TOP3B: variants seen among roughly 807,000 people sequenced by gnomAD.
TOP3B encodes the protein DNA topoisomerase 3-beta-1.
A neutral mutation model predicts 93.9 loss-of-function variants in TOP3B; 45 were observed. The observed-to-expected ratio is 0.48, with a 90% CI of 0.38 to 0.61. The LOEUF (loss-of-function observed/expected upper bound fraction) is 0.61. Among genes scored for constraint, TOP3B ranks in the 20% least tolerant of loss-of-function variants. The pLI, the probability that TOP3B is intolerant of heterozygous loss-of-function variation, is 0.00. For synonymous variants in TOP3B, 357 were observed against 472.6 expected, an observed-to-expected ratio of 0.76 and a Z score of 3.17; for missense variants, 750 against 1,156.1, an observed-to-expected ratio of 0.65 and a Z score of 5.09.
Position 21,968,738 on chromosome 22 carries a change from A to C in TOP3B, c.619T>G (p.Leu207Val). ...CCAAAGGAGATGAGAGAGCTGTCTAAATCACCGTATTTCCCCTGGAAATAT... is the reference window on the plus strand; with the variant it reads ...CCAAAGGAGATGAGAGAGCTGTCTACATCACCGTATTTCCCCTGGAAATAT... ...TKYFQGKYGD[L>V]DSSLISFGPC... Residue 207 changes from leucine to valine, a missense_variant, in exon 7 of 18, where the codon TTA becomes GTA. Leu to Val is a conservative substitution (Grantham distance 32, BLOSUM62 1). Coordinates refer to ENST00000357179, the MANE Select transcript of TOP3B (RefSeq NM_001282112.2). The C allele has an allele frequency of 6.2e-7, 1 of 1,614,214 alleles. No individual in the cohort carries two copies. Among genetic ancestry groups the C allele is most frequent in the Non-Finnish European group, 8.5e-7 (1 of 1,180,044 alleles).
At chr22:21,968,516 C>T in intron 7 of TOP3B, 103 bp downstream of exon 7, 2 of 1,470,282 alleles carry the variant, frequency 1.4e-6, no homozygotes, top group Non-Finnish European at 1.9e-6. Context: ...GTCCACACTT[C>T]TGCCCTCAGC....
chr22:21,979,157 G>A (rs2084561307), intron 1 of TOP3B, among the ~76,000 whole-genome samples: 1 of 152,082 alleles, frequency 6.6e-6, no homozygotes, highest in Non-Finnish European at 1.5e-5. Context: ...AGGAGGGAGA[G>A]GGAGTGGGTC....
intron 3 of TOP3B, chr22:21,974,043 C>T (rs2071755973): frequency 5.2e-6 from 1 of 193,204 alleles, no homozygotes; most frequent in Non-Finnish European, 1.1e-5. Context: ...ACAGCAGCAG[C>T]CTTCTCTTAA....
chr22:21,958,538 C>T lies in TOP3B; in HGVS notation c.2061G>A (p.Leu687=), dbSNP rs2071025583. 2 of 1,613,978 alleles carry T rather than the reference C, an allele frequency of 1.2e-6. No homozygotes were observed. Among genetic ancestry groups the T allele is most frequent in the South Asian group, 1.1e-5 (1 of 91,088 alleles). ...SSGSRGKSYP[L]CPYCYNHPPF... ...GTGGGTGGTTGTAGCAGTAGGGGCA[C>T]AGCGGGTAGCTCTTGCCCCGAGAGC... is the stretch of plus-strand genomic sequence containing the variant. The change falls in exon 17 of 18, where the codon CTG becomes CTA. Residue 687 remains leucine (L), a synonymous_variant. Transcript: ENST00000357179.
At chr22:21,973,050 G>T (rs1267604959) in intron 3 of TOP3B, 9 of 376,524 alleles carry the variant, frequency 2.4e-5, no homozygotes, top group South Asian at 1.7e-4. Flanking sequence ...TCCTGGGCTG[G>T]GTCTCTTTGC....
At position 21,980,576 on chromosome 22, in the gene TOP3B, T is replaced by C. The variant is rs139781176; in HGVS notation, c.-99+2154A>G. On this transcript the variant is annotated intron_variant, in intron 1 of 17. Transcript: ENST00000357179. ...AATTTGCTTTTTTCCTCAAAATAAGTAAGTGGATGTTCCCCTTAAATGTAC... is the reference window on the plus strand; with the variant it reads ...AATTTGCTTTTTTCCTCAAAATAAGCAAGTGGATGTTCCCCTTAAATGTAC... 6.7e-3 allele frequency among the ~76,000 whole-genome samples: 1,027 copies of C among 152,326 alleles called. 10 individuals carry two copies. The highest frequency in any genetic ancestry group is 0.024 in the African/African-American group (980 of 41,560).
At chr22:21,974,693 A>T (rs1398848885) in intron 2 of TOP3B, 2 of 488,668 alleles carry the variant, frequency 4.1e-6, no homozygotes, top group Non-Finnish European at 7.3e-6. Context: ...CCAACAACCT[A>T]GCACAGAGCA....
In TOP3B at chr22:21,970,040, G is replaced by T; in HGVS notation, c.581+170C>A. ...CTATCCTGGTCTCCCAAAGTGCAGGGATTACAGGTGTTAGCCACTGTGCCT... is the reference window on the plus strand; with the variant it reads ...CTATCCTGGTCTCCCAAAGTGCAGGTATTACAGGTGTTAGCCACTGTGCCT... On this transcript the variant is annotated intron_variant, in intron 6 of 17. Coordinates refer to ENST00000357179, the MANE Select transcript of TOP3B (RefSeq NM_001282112.2). The surrounding 1 kb of genome is among the most constrained non-coding windows in gnomAD (Gnocchi z 4.4). 1.5e-6 allele frequency: 1 copy of T among 683,706 alleles called. No homozygotes were observed. The highest frequency in any genetic ancestry group is 2.4e-6 in the Non-Finnish European group (1 of 412,718). The allele number at this position is 683,706 out of a possible 1,614,324, so 42.4% of individuals were successfully genotyped here.
At chr22:21,964,583 G>A in intron 9 of TOP3B, 1 of 524,444 alleles carries the variant, frequency 1.9e-6, no homozygotes, top group South Asian at 2.3e-5. Flanking sequence ...TCTACCCCAC[G>A]GTGCATCCTC....
intron 7 of TOP3B, 91 bp downstream of exon 7, chr22:21,968,528 C>G (rs1236385415): frequency 2.0e-5 from 30 of 1,535,948 alleles, no homozygotes; most frequent in South Asian, 2.4e-5. Context: ...GCCCTCAGCC[C>G]GGGGCCTGCC....
At chr22:21,958,853 G>GC (rs1455641144) in intron 16 of TOP3B, 160 bp from the exon 17 acceptor site, 1 of 1,244,692 alleles carries the variant, frequency 8.0e-7, no homozygotes, top group Non-Finnish European at 1.1e-6. Context: ...CTCCACGCGT[G>GC]CAGAAAAGGC....
In TOP3B at chr22:21,964,223, C is replaced by T. The variant is rs148740221; in HGVS notation, c.1036G>A (p.Glu346Lys). 1.1e-5 allele frequency: 17 copies of T among 1,614,076 alleles called. 1 individual carries two copies. The Admixed American group carries it at 1.8e-4, about 17-fold the overall frequency. ...AGAGAGCCCTTCAGGTCAAAGTTCT[C>T]AGGGTAGTGGGTGGTCTCTGTCCGT... ...YPRTETTHYP[E>K]NFDLKGSLRQ... The change falls in exon 10 of 18, where the codon GAG becomes AAG. Residue 346 changes from glutamate to lysine, a missense_variant. Physicochemically the swap from Glu to Lys is moderately conservative, Grantham distance 56. Around this residue, in one of 4 missense-constraint regions of TOP3B, gnomAD observed 737 missense variants for 933.7 expected, o/e 0.79. Coordinates refer to ENST00000357179, the MANE Select transcript of TOP3B (RefSeq NM_001282112.2).
At chr22:21,962,272 C>T in intron 13 of TOP3B, 157 bp downstream of exon 13, 1 of 1,585,200 alleles carries the variant, frequency 6.3e-7, no homozygotes, top group African/African-American at 1.3e-5. Flanking sequence ...GTGGACCTGC[C>T]TGGCTGGCCA....
chr22:21,968,379 C>T lies in TOP3B; in HGVS notation c.738+240G>A, dbSNP rs979603821. 6.0e-5 allele frequency: 31 copies of T among 517,176 alleles called. No homozygotes were observed. In the East Asian group the frequency reaches 9.0e-4, roughly 15 times the overall value. The allele number at this position is 517,176 out of a possible 1,614,324, so 32.0% of individuals were successfully genotyped here. On this transcript the variant is annotated intron_variant, in intron 7 of 17. Coordinates refer to ENST00000357179, the MANE Select transcript of TOP3B (RefSeq NM_001282112.2). ...TCCTGTGGGGTGACCTCACCCTGCA[C>T]TGCCAGAGCTGAACTCATTCCCACT...
chr22:21,965,368 G>C lies in TOP3B; in HGVS notation c.860C>G (p.Ala287Gly). The C allele has an allele frequency of 6.2e-7, 1 of 1,602,652 alleles. No homozygotes were observed. The highest frequency in any genetic ancestry group is 1.7e-5 in the Admixed American group (1 of 58,642). ...CTTGGCCTTTTCTTTCCTGCTTGTG[G>C]CCTCCACCTGGAAGACAGGACAGTC... ...TKLEKEAQVE[A>G]TSRKEKAKQR... Residue 287 changes from alanine (A) to glycine (G), a missense_variant, in exon 9 of 18, where the codon GCC becomes GGC. This residue lies in a region of TOP3B where 737 missense variants were observed against 933.7 expected (regional missense o/e 0.79). Transcript: ENST00000357179.
intron 14 of TOP3B, 130 bp from the exon 15 acceptor site, chr22:21,959,866 C>G: frequency 8.1e-7 from 1 of 1,234,616 alleles, no homozygotes; most frequent in Non-Finnish European, 1.1e-6. Context: ...TCTGCCCTAC[C>G]CACCAGTCCA....
chr22:21,975,560 T>C, intron 2 of TOP3B, 80 bp downstream of exon 2: 3 of 1,466,106 alleles, frequency 2.0e-6, no homozygotes, highest in South Asian at 2.6e-5. Flanking sequence ...CCAGCCAGGG[T>C]GGAATCACAT....
Position 21,967,449 on chromosome 22 carries a change from GGA to G in TOP3B, c.852+152_852+153del, listed in dbSNP as rs2145852710. ...CAGAAATATCTTAGGAGTATATGAG[GGA>G]GTAACCATTCAGCTTTCCAAAAAGA... is the stretch of plus-strand genomic sequence containing the variant. On this transcript the variant is annotated intron_variant, in intron 8 of 17. Transcript: ENST00000357179. 7.7e-6 allele frequency: 5 copies of G among 648,856 alleles called. No individual in the cohort carries two copies. In the South Asian group the frequency reaches 9.1e-5, roughly 12 times the overall value. The allele number at this position is 648,856 out of a possible 1,614,324, so 40.2% of individuals were successfully genotyped here.
Position 21,959,229 on chromosome 22 carries a change from A to G in TOP3B, c.1808T>C (p.Met603Thr). Residue 603 changes from methionine to threonine, a missense_variant, in exon 16 of 18, where the codon ATG becomes ACG. Physicochemically the swap from Met to Thr is moderately conservative, Grantham distance 81. Coordinates refer to ENST00000357179, the MANE Select transcript of TOP3B (RefSeq NM_001282112.2). ...GAAAGACACCTCCATCAACTCATCC[A>G]TGCCTGCGGGCAAGCAGAGTGCAGG... ...FHYFVDSIAG[M>T]DELMEVSFSP... 6.2e-7 allele frequency: 1 copy of G among 1,612,556 alleles called. No homozygotes were observed. Among genetic ancestry groups the G allele is most frequent in the African/African-American group, 1.3e-5 (1 of 75,060 alleles).
Sources: allele counts gnomAD v4.1 joint callset (sites outside exome capture counted in the v4.1 genomes callset), GRCh38; gene constraint gnomAD v4.1.1; regional missense constraint gnomAD v4.1.1; non-coding constraint Gnocchi (gnomAD v3.1); transcripts MANE v1.5; gene names NCBI Gene and HGNC (gene_info 2026-07-23, HGNC 2026-07-21).